Variants in HDAC8 observed in about 807,000 individuals in gnomAD.
The protein encoded by HDAC8 is histone deacetylase-like 1.
Under a neutral mutation model 32.2 loss-of-function variants are expected in HDAC8, and 1 was observed. That is an observed-to-expected ratio of 0.03 (90% confidence interval 0.01 to 0.15). HDAC8 has a LOEUF of 0.15. HDAC8 is among the 10% of genes least tolerant of loss of function. The pLI is 1.00. For synonymous variants in HDAC8, 108 were observed against 113.9 expected (o/e 0.95, Z 0.33); for missense variants, 117 against 300.0 (o/e 0.39, Z 4.51).
chrX:72,436,278 A>G (rs1279962160), intron 9 of HDAC8, among the ~76,000 whole-genome samples: 1 of 112,114 alleles, frequency 8.9e-6, no homozygotes, highest in Non-Finnish European at 1.9e-5. Flanking sequence ...TAATAATCAA[A>G]TGTCTGAAAA....
At chrX:72,330,520 C>G (rs782697625) in intron 10 of HDAC8, among the ~76,000 whole-genome samples, 5 of 111,957 alleles carry the variant, frequency 4.5e-5, no homozygotes, top group African/African-American at 1.6e-4. Flanking sequence ...CCACCCCCAA[C>G]TTTTCTTCCT....
At chrX:72,531,203 T>C (rs1233965720) in intron 4 of HDAC8, among the ~76,000 whole-genome samples, 3 of 112,428 alleles carry the variant, frequency 2.7e-5, no homozygotes, top group Non-Finnish European at 5.6e-5. Context: ...ATCTGATTTC[T>C]ATTTCATGTG....
At chrX:72,457,728 T>C (rs1468976741) in intron 9 of HDAC8, among the ~76,000 whole-genome samples, 2 of 112,152 alleles carry the variant, frequency 1.8e-5, no homozygotes, top group African/African-American at 6.5e-5. Context: ...GATAAATTCA[T>C]GGCTTAAAAG....
intron 9 of HDAC8, among the ~76,000 whole-genome samples, chrX:72,410,340 A>G (rs899532043): frequency 1.8e-5 from 2 of 110,975 alleles, no homozygotes; most frequent in Non-Finnish European, 3.8e-5. Context: ...AGCAGTCACA[A>G]TAACCCAGAG....
At chrX:72,375,734 C>T (rs781937409) in intron 9 of HDAC8, among the ~76,000 whole-genome samples, 2 of 111,656 alleles carry the variant, frequency 1.8e-5, no homozygotes, top group Non-Finnish European at 3.8e-5. Flanking sequence ...TCTACTAATC[C>T]AAATGGTAAT....
intron 7 of HDAC8, among the ~76,000 whole-genome samples, chrX:72,475,361 T>C (rs1444349510): frequency 8.9e-6 from 1 of 112,205 alleles, no homozygotes; most frequent in Non-Finnish European, 1.9e-5. Flanking sequence ...TTAAACCTAT[T>C]GCATTTGATG....
At chrX:72,474,421 G>A (rs2048271443) in intron 7 of HDAC8, 1 of 954,804 alleles carries the variant, frequency 1.0e-6, no homozygotes, top group Non-Finnish European at 1.3e-6. Flanking sequence ...ACTCCAGATT[G>A]CTTTTGGGAA....
At chrX:72,335,160 T>C (rs868936832) in intron 10 of HDAC8, among the ~76,000 whole-genome samples, 5 of 112,410 alleles carry the variant, frequency 4.4e-5, no homozygotes, top group African/African-American at 1.6e-4. Context: ...GATACATTTA[T>C]TATAGTTAGT....
intron 9 of HDAC8, among the ~76,000 whole-genome samples, chrX:72,456,822 A>G (rs1555989845): frequency 9.0e-6 from 1 of 110,925 alleles, no homozygotes; most frequent in Admixed American, 9.6e-5. Context: ...AACGAAACAA[A>G]AACAAAAACA....
chrX:72,511,354 T>C (rs1455888059), intron 4 of HDAC8, among the ~76,000 whole-genome samples: 1 of 111,765 alleles, frequency 8.9e-6, no homozygotes, highest in Non-Finnish European at 1.9e-5. Flanking sequence ...GAATTAAATG[T>C]ACTCTCTTCC....
chrX:72,345,355 C>T (rs782215558), intron 10 of HDAC8, among the ~76,000 whole-genome samples: 13 of 111,226 alleles, frequency 1.2e-4, no homozygotes, highest in Admixed American at 2.9e-4. Flanking sequence ...AATGCTGCCA[C>T]GGAGAAGAGG....
At chrX:72,533,822 G>A (rs910162262) in intron 4 of HDAC8, among the ~76,000 whole-genome samples, 2 of 111,252 alleles carry the variant, frequency 1.8e-5, no homozygotes, top group Non-Finnish European at 3.8e-5. Context: ...ACCTTTTCAC[G>A]ATATAAACAC....
chrX:72,373,563 C>T (rs1364223420), intron 9 of HDAC8, among the ~76,000 whole-genome samples: 2 of 112,281 alleles, frequency 1.8e-5, no homozygotes, highest in Non-Finnish European at 3.8e-5. Context: ...CTTTTTATGG[C>T]TGAATTCCAT....
intron 9 of HDAC8, among the ~76,000 whole-genome samples, chrX:72,375,144 G>A (rs1218634079): frequency 8.9e-6 from 1 of 111,890 alleles, no homozygotes; most frequent in Non-Finnish European, 1.9e-5. Context: ...TCTTTATCTG[G>A]TTTTGGTATA....
chrX:72,339,742 C>T (rs1569226856), intron 10 of HDAC8, among the ~76,000 whole-genome samples: 1 of 111,729 alleles, frequency 9.0e-6, no homozygotes, highest in Non-Finnish European at 1.9e-5. Flanking sequence ...CCAGCTGCTG[C>T]CCCATCATGG....
chrX:72,507,749 G>A (rs991433469), intron 4 of HDAC8, among the ~76,000 whole-genome samples: 1 of 112,459 alleles, frequency 8.9e-6, no homozygotes, highest in Non-Finnish European at 1.9e-5. Context: ...GAAGAGACCA[G>A]GTTCTGCAAA....
At chrX:72,560,365 A>G (rs781814261) in intron 4 of HDAC8, among the ~76,000 whole-genome samples, 282 of 109,060 alleles carry the variant, frequency 2.6e-3, no homozygotes, top group Middle Eastern at 0.014. Flanking sequence ...TGAAGGCAGC[A>G]TGCTCATTAA....
intron 10 of HDAC8, among the ~76,000 whole-genome samples, chrX:72,343,328 C>T (rs2043937688): frequency 9.1e-6 from 1 of 110,296 alleles, no homozygotes; most frequent in Non-Finnish European, 1.9e-5. Flanking sequence ...TGTCATCACA[C>T]CCAGCTCAGT....
At position 72,376,310 on chromosome X, in the gene HDAC8, T is replaced by C. The variant is rs782314583; in HGVS notation, c.1006-24472A>G. 2.7e-5 allele frequency among the ~76,000 whole-genome samples: 3 copies of C among 112,487 alleles called. No homozygotes were observed. In the Admixed American group the frequency reaches 2.8e-4, roughly 11 times the overall value. On this transcript the variant is annotated intron_variant, in intron 9 of 10. Coordinates refer to ENST00000373573, the MANE Select transcript of HDAC8 (RefSeq NM_018486.3). The stretch of plus-strand genomic sequence containing the variant: ...ATTTTTTTCTTAAGTCTACCTAAAG[T>C]TTTGTAATTTTGCTGAGCTTTGCAA...
Sources: allele counts gnomAD v4.1 joint callset (sites outside exome capture counted in the v4.1 genomes callset), GRCh38; gene constraint gnomAD v4.1.1; transcripts MANE v1.5; gene names NCBI Gene and HGNC (gene_info 2026-07-23, HGNC 2026-07-21).